ZNF682: variants seen among roughly 807,000 people sequenced by gnomAD.
ZNF682 encodes the protein zinc finger protein 682.
In ZNF682, 29 loss-of-function variants were observed where a neutral mutation model predicts 36.5. The ratio of observed to expected loss-of-function variants is 0.80; its 90% CI spans 0.59 to 1.08. ZNF682 has a LOEUF of 1.08. Ranked by LOEUF, ZNF682 falls within the 50% of genes least tolerant of loss-of-function variation. ZNF682 has a pLI of 0.00. For synonymous variants in ZNF682, 180 were observed against 197.0 expected, an observed-to-expected ratio of 0.91 and a Z score of 0.72; for missense variants, 561 against 579.7, an observed-to-expected ratio of 0.97 and a Z score of 0.33.
intron 3 of ZNF682, among the ~76,000 whole-genome samples, chr19:20,018,049 T>TG (rs2088349937): frequency 1.3e-5 from 2 of 151,322 alleles, no homozygotes; most frequent in African/African-American, 4.8e-5. Flanking sequence ...TTTTTTTTTT[T>TG]GCAGAAATAT....
chr19:20,009,654 A>G (rs1489266981), intron 3 of ZNF682, among the ~76,000 whole-genome samples: 1 of 152,200 alleles, frequency 6.6e-6, no homozygotes, highest in African/African-American at 2.4e-5. Flanking sequence ...TAAAAAATGA[A>G]TTCTATCAAA....
chr19:20,015,575 A>G, intron 3 of ZNF682: 1 of 323,538 alleles, frequency 3.1e-6, no homozygotes, highest in Non-Finnish European at 4.4e-6. Context: ...AACCCATAAA[A>G]TTCTGAATAA....
rs2088234461 is a variant in ZNF682 at position 20,007,175 on chromosome 19, C to T, written c.327G>A (p.Glu109=). 6.2e-7 allele frequency: 1 copy of T among 1,613,578 alleles called. No homozygotes were observed. Among genetic ancestry groups the T allele is most frequent in the African/African-American group, 1.3e-5 (1 of 74,908 alleles). ...ILRRYGSCGL[E]DLHLRKDGEN... is the part of the protein sequence containing the mutation. ...CCCCATCCTTCCTTAAGTGTAAATC[C>T]TCAAGTCCACAGCTTCCATATCTTC... is the stretch of plus-strand genomic sequence containing the variant. The change falls in exon 4 of 4, where the codon GAG becomes GAA. Residue 109 remains glutamate, a synonymous_variant. Transcript: ENST00000397165.
intron 1 of ZNF682, among the ~76,000 whole-genome samples, chr19:20,027,217 A>G (rs2088439337): frequency 6.6e-6 from 1 of 152,182 alleles, no homozygotes; most frequent in Admixed American, 6.5e-5. Context: ...CACCGCACCC[A>G]CAGGCAGATG....
At chr19:20,026,790 C>T (rs187802527) in intron 1 of ZNF682, among the ~76,000 whole-genome samples, 133 of 152,232 alleles carry the variant, frequency 8.7e-4, no homozygotes, top group Non-Finnish European at 2.2e-4. Flanking sequence ...TTTATTCTTA[C>T]AGGTCATACA....
chr19:20,024,674 C>T (rs969924395), intron 1 of ZNF682, among the ~76,000 whole-genome samples: 3 of 152,164 alleles, frequency 2.0e-5, no homozygotes, highest in Non-Finnish European at 4.4e-5. Context: ...CCTGTCTCTA[C>T]TAGAAATACA....
chr19:20,006,810 C>A lies in ZNF682; in HGVS notation c.692G>T (p.Cys231Phe), dbSNP rs778538922. 1.9e-6 allele frequency: 3 copies of A among 1,614,006 alleles called. No individual in the cohort carries two copies. The highest frequency in any genetic ancestry group is 2.5e-6 in the Non-Finnish European group (3 of 1,180,018). ...GTTAAAAGCTTTGCCACATTCTTCA[C>A]ATTTGTATGGTTTCTCTCCAGTGTG... ...RIHTGEKPYK[C>F]EECGKAFNWC... Residue 231 changes from cysteine to phenylalanine, a missense_variant, in exon 4 of 4, where the codon TGT becomes TTT. By Grantham distance (205) the Cys-to-Phe change is radical. Transcript: ENST00000397165.
chr19:20,034,023 AAC>A (rs2088503909), intron 1 of ZNF682: 1 of 155,968 alleles, frequency 6.4e-6, no homozygotes, highest in Non-Finnish European at 1.5e-5. Context: ...TGGAGAGAAA[AAC>A]AGTTATTAGT....
chr19:20,032,222 T>C (rs1050412516), intron 1 of ZNF682, among the ~76,000 whole-genome samples: 3 of 152,180 alleles, frequency 2.0e-5, no homozygotes, highest in Non-Finnish European at 1.5e-5. Flanking sequence ...TGCAGAGGTA[T>C]GGGAAAGTAG....
downstream of ZNF682, among the ~76,000 whole-genome samples, chr19:20,001,531 T>C (rs904331982): frequency 6.6e-6 from 1 of 152,146 alleles, no homozygotes; most frequent in Non-Finnish European, 1.5e-5. Context: ...TATAACATCC[T>C]ATTTCCATGT....
At chr19:20,028,381 T>C (rs537876976) in intron 1 of ZNF682, among the ~76,000 whole-genome samples, 19 of 152,184 alleles carry the variant, frequency 1.2e-4, no homozygotes, top group Non-Finnish European at 2.4e-4. Flanking sequence ...GTGGCTAATT[T>C]TTGTGTTTTT....
chr19:19,999,694 C>T (rs138539330), downstream of ZNF682, among the ~76,000 whole-genome samples: 2 of 152,164 alleles, frequency 1.3e-5, no homozygotes, highest in South Asian at 2.1e-4. Context: ...ACCACCATAC[C>T]TGGTTAACTT....
intron 1 of ZNF682, among the ~76,000 whole-genome samples, chr19:20,029,812 T>A (rs2088464705): frequency 1.4e-5 from 1 of 72,756 alleles, no homozygotes; most frequent in South Asian, 6.6e-4. Context: ...CTAGAAACAG[T>A]GGTTTTAATT....
At chr19:20,027,779 CA>C (rs1335519022) in intron 1 of ZNF682, among the ~76,000 whole-genome samples, 22 of 46,908 alleles carry the variant, frequency 4.7e-4, no homozygotes, top group African/African-American at 2.3e-3. Flanking sequence ...AAAAGAAAAA[CA>C]AAAACAAAAA....
At position 20,026,716 on chromosome 19, in the gene ZNF682, T is replaced by C. The variant is rs942000494; in HGVS notation, c.4-2340A>G. 5.3e-5 allele frequency among the ~76,000 whole-genome samples: 8 copies of C among 152,162 alleles called. No individual in the cohort carries two copies. The East Asian group carries it at 1.5e-3, about 29-fold the overall frequency. On this transcript the variant is annotated intron_variant, in intron 1 of 3. Transcript: ENST00000397165. ...CCTGGCCTCAAGCGATCCTCCTGCC[T>C]CAGCCTCCCAAAGTCCTGGGATTAC...
chr19:19,998,300 A>G (rs1205615157), intron 3 of ZNF682, among the ~76,000 whole-genome samples: 2 of 152,190 alleles, frequency 1.3e-5, no homozygotes, highest in African/African-American at 4.8e-5. Context: ...TGACAATGAC[A>G]ATAGGGAGCC....
In ZNF682 at chr19:20,006,169, T is replaced by C. The variant is rs1313391424; in HGVS notation, c.1333A>G (p.Lys445Glu). ...NRCSHLTRHK[K>E]IHTAVKRYKC... ...TAGCGTTTGACGGCAGTATGAATTTTCTTATGTCTAGTAAGGTGTGAGCAC... is the reference window on the plus strand; with the variant it reads ...TAGCGTTTGACGGCAGTATGAATTTCCTTATGTCTAGTAAGGTGTGAGCAC... Residue 445 changes from lysine (K) to glutamate (E), a missense_variant, in exon 4 of 4, where the codon AAA (lysine) becomes GAA (glutamate). By Grantham distance (56) the Lys-to-Glu change is moderately conservative (BLOSUM62 1). Transcript: ENST00000397165. 9.3e-6 allele frequency: 15 copies of C among 1,613,028 alleles called. No individual in the cohort carries two copies. Among genetic ancestry groups the C allele is most frequent in the African/African-American group, 1.3e-5 (1 of 74,876 alleles).
chr19:20,028,357 G>C (rs1325212896), intron 1 of ZNF682, among the ~76,000 whole-genome samples: 1 of 152,094 alleles, frequency 6.6e-6, no homozygotes, highest in African/African-American at 2.4e-5. Context: ...ACAGTCACAT[G>C]CCACCATGCC....
chr19:19,995,543 T>C (rs1289196924), downstream of ZNF682, among the ~76,000 whole-genome samples: 2 of 152,242 alleles, frequency 1.3e-5, no homozygotes, highest in African/African-American at 4.8e-5. Context: ...TAGATTGAAT[T>C]AGAGATTTCT....
Sources: gnomAD v4.1 joint callset for allele counts (sites outside exome capture counted in the v4.1 genomes callset) on GRCh38, gnomAD v4.1.1 for gene constraint, MANE v1.5 for transcripts, NCBI Gene and HGNC (gene_info 2026-07-23, HGNC 2026-07-21) for gene names.